The following WWOX variants were observed in gnomAD, a reference collection of about 807,000 sequenced individuals.
WWOX encodes WW domain containing oxidoreductase, also known as WW domain-containing oxidoreductase.
In WWOX, 69 loss-of-function variants were observed where a neutral mutation model predicts 46.2. The observed-to-expected ratio is 1.49, with a 90% CI of 1.23 to 1.82. The LOEUF (loss-of-function observed/expected upper bound fraction) is 1.82. Ranked by LOEUF, WWOX falls within the 40% of genes most tolerant of loss-of-function variation. The probability of loss-of-function intolerance (pLI) is 0.00; values close to 1 mark genes in which losing one functional copy is unlikely to be tolerated. For missense variants in WWOX, 919 were observed against 542.6 expected, an observed-to-expected ratio of 1.69 and a Z score of -6.89; for synonymous variants, 359 against 202.6, an observed-to-expected ratio of 1.77 and a Z score of -6.56.
At chr16:78,320,175 GA>G (rs1256326025) in intron 5 of WWOX, among the ~76,000 whole-genome samples, 2 of 152,172 alleles carry the variant, frequency 1.3e-5, no homozygotes, top group African/African-American at 4.8e-5. Context: ...TCTGAGCCGA[GA>G]AAACCTTCCT....
chr16:78,974,190 G>A (rs2046527092), intron 8 of WWOX, among the ~76,000 whole-genome samples: 1 of 152,204 alleles, frequency 6.6e-6, no homozygotes, highest in Non-Finnish European at 1.5e-5. Context: ...CTTTTGGAGG[G>A]AAAAGAAGGC....
At chr16:78,870,201 G>C (rs1368915147) in intron 8 of WWOX, among the ~76,000 whole-genome samples, 3 of 152,196 alleles carry the variant, frequency 2.0e-5, no homozygotes, top group Non-Finnish European at 2.9e-5. Context: ...CAGGTAATCT[G>C]CTTCCTCAAG....
intron 8 of WWOX, among the ~76,000 whole-genome samples, chr16:79,177,052 C>T (rs1021493149): frequency 1.3e-5 from 2 of 152,178 alleles, no homozygotes; most frequent in African/African-American, 4.8e-5. Context: ...TAATTGCATT[C>T]ATGGGATCAC....
At chr16:78,600,503 C>A (rs927578325) in intron 8 of WWOX, among the ~76,000 whole-genome samples, 1 of 152,140 alleles carries the variant, frequency 6.6e-6, no homozygotes, top group Non-Finnish European at 1.5e-5. Flanking sequence ...TGGGTTAAAG[C>A]ATCCATGTTT....
At chr16:78,985,600 C>G (rs1029401826) in intron 8 of WWOX, among the ~76,000 whole-genome samples, 1 of 152,150 alleles carries the variant, frequency 6.6e-6, no homozygotes, top group African/African-American at 2.4e-5. Flanking sequence ...GAAACCCAGT[C>G]TCTACTAAAA....
chr16:78,550,516 CAT>C (rs1567637906), intron 8 of WWOX, among the ~76,000 whole-genome samples: 2 of 152,180 alleles, frequency 1.3e-5, no homozygotes, highest in African/African-American at 4.8e-5. Flanking sequence ...GTCTGGGAGA[CAT>C]AATTTCAAAA....
chr16:79,125,956 G>C (rs559173261), intron 8 of WWOX, among the ~76,000 whole-genome samples: 3 of 152,306 alleles, frequency 2.0e-5, no homozygotes, highest in South Asian at 2.1e-4. Context: ...GAATCCGGCT[G>C]GTGGTGTTTT....
chr16:78,990,152 C>G (rs999124248), intron 8 of WWOX, among the ~76,000 whole-genome samples: 1 of 149,990 alleles, frequency 6.7e-6, no homozygotes, highest in African/African-American at 2.5e-5. Context: ...CCACTGCACA[C>G]CAGCCTGGGT....
intron 8 of WWOX, among the ~76,000 whole-genome samples, chr16:78,649,709 T>C (rs987082936): frequency 1.9e-4 from 29 of 152,366 alleles, no homozygotes; most frequent in African/African-American, 7.0e-4. Flanking sequence ...GTTACTGTTG[T>C]TATGTTATTA....
Position 78,914,835 on chromosome 16 carries a change from C to T in WWOX, c.1057-296773C>T, listed in dbSNP as rs183082503. Among the ~76,000 whole-genome samples the T allele has an allele frequency of 2.8e-3, 404 of 143,958 alleles. 4 individuals carry two copies. The highest frequency in any genetic ancestry group is 9.7e-3 in the African/African-American group (375 of 38,716). 94.4% of individuals were successfully genotyped at this position (143,958 alleles called of 152,430 possible). A position where few individuals can be genotyped will look rare whatever the true frequency, so the allele number is the denominator to read the frequency against. On this transcript the variant is annotated intron_variant, in intron 8 of 8. Coordinates refer to ENST00000566780, the MANE Select transcript of WWOX (RefSeq NM_016373.4). Reference sequence around the variant, plus strand: ...CGGAGCTTGCAGTGAGCCAGGATCGCGCCACTGCACTCCCGCCCGGGTGAC... The same window carrying T: ...CGGAGCTTGCAGTGAGCCAGGATCGTGCCACTGCACTCCCGCCCGGGTGAC...
At chr16:78,447,914 C>T (rs947769438) in intron 8 of WWOX, among the ~76,000 whole-genome samples, 1 of 152,164 alleles carries the variant, frequency 6.6e-6, no homozygotes, top group Non-Finnish European at 1.5e-5. Context: ...ATCGATCCTC[C>T]TGCCTCAGCC....
chr16:78,946,354 T>C (rs1265215109), intron 8 of WWOX, among the ~76,000 whole-genome samples: 2 of 152,030 alleles, frequency 1.3e-5, no homozygotes, highest in African/African-American at 2.4e-5. Flanking sequence ...CATGCCCAGC[T>C]AATTTTTTGT....
At chr16:79,032,794 G>A (rs550758639) in intron 8 of WWOX, among the ~76,000 whole-genome samples, 1 of 151,372 alleles carries the variant, frequency 6.6e-6, no homozygotes. Flanking sequence ...AAGTTCAGGG[G>A]TCCATGTGCA....
At chr16:79,134,804 T>A (rs2049951898) in intron 8 of WWOX, among the ~76,000 whole-genome samples, 1 of 152,196 alleles carries the variant, frequency 6.6e-6, no homozygotes, top group African/African-American at 2.4e-5. Flanking sequence ...CAGTTGCCTG[T>A]TTCTTTTCAT....
At chr16:78,841,391 C>T (rs1051280637) in intron 8 of WWOX, among the ~76,000 whole-genome samples, 8 of 152,318 alleles carry the variant, frequency 5.3e-5, no homozygotes, top group African/African-American at 1.7e-4. Context: ...CTCATGAGAG[C>T]AGATTTTGCC....
At chr16:78,901,432 C>G (rs1216725422) in intron 8 of WWOX, among the ~76,000 whole-genome samples, 1 of 152,130 alleles carries the variant, frequency 6.6e-6, no homozygotes, top group African/African-American at 2.4e-5. Context: ...CCCACAACCA[C>G]TTCTGTTTCA....
intron 5 of WWOX, among the ~76,000 whole-genome samples, chr16:78,383,446 C>T (rs1175806981): frequency 6.6e-6 from 1 of 152,118 alleles, no homozygotes; most frequent in Non-Finnish European, 1.5e-5. Context: ...GAATTATGGT[C>T]AGTTGCAGAT....
intron 8 of WWOX, among the ~76,000 whole-genome samples, chr16:78,831,928 T>C (rs1259338682): frequency 6.6e-6 from 1 of 152,176 alleles, no homozygotes; most frequent in African/African-American, 2.4e-5. Flanking sequence ...CCTTCCTCTT[T>C]CCTCACTTTT....
intron 8 of WWOX, among the ~76,000 whole-genome samples, chr16:78,742,472 A>C (rs1331862716): frequency 1.3e-5 from 2 of 152,166 alleles, no homozygotes; most frequent in Non-Finnish European, 2.9e-5. Flanking sequence ...AACAGGTTGG[A>C]AGTATTTATC....
Sources: gnomAD v4.1 joint callset for allele counts (sites outside exome capture counted in the v4.1 genomes callset) on GRCh38, gnomAD v4.1.1 for gene constraint, MANE v1.5 for transcripts, NCBI Gene and HGNC (gene_info 2026-07-23, HGNC 2026-07-21) for gene names.